Variants in SEC22A observed in about 807,000 individuals in gnomAD.
SEC22A encodes the protein SEC22 homolog A, vesicle trafficking protein.
SEC22A carries 22 observed loss-of-function variants against 35.3 expected under a neutral mutation model. That is an observed-to-expected ratio of 0.62 (90% CI 0.45 to 0.89). SEC22A has a LOEUF of 0.89. SEC22A is among the 40% of genes least tolerant of loss of function. SEC22A has a pLI of 0.00. For missense variants in SEC22A, 354 were observed against 362.5 expected (o/e 0.98, Z 0.19); for synonymous variants, 119 against 129.5 (o/e 0.92, Z 0.55).
At chr3:123,245,378 G>A (rs1937557857) in intron 4 of SEC22A, among the ~76,000 whole-genome samples, 1 of 152,140 alleles carries the variant, frequency 6.6e-6, no homozygotes, top group Non-Finnish European at 1.5e-5. Context: ...TATCCCAAAT[G>A]CAAGTTACAT....
chr3:123,210,339 A>G (rs1242779587), intron 2 of SEC22A, among the ~76,000 whole-genome samples: 1 of 152,228 alleles, frequency 6.6e-6, no homozygotes, highest in Non-Finnish European at 1.5e-5. Flanking sequence ...ATACCAGCAA[A>G]TCTTCCTACT....
At chr3:123,269,621 A>G (rs1306498324) in intron 6 of SEC22A, among the ~76,000 whole-genome samples, 3 of 144,978 alleles carry the variant, frequency 2.1e-5, no homozygotes, top group Admixed American at 1.4e-4. Context: ...TGTCAAGGAC[A>G]TGAATTTTTT....
At chr3:123,269,175 A>ATGTGTGTG (rs1491362924) in intron 6 of SEC22A, among the ~76,000 whole-genome samples, 2 of 79,420 alleles carry the variant, frequency 2.5e-5, no homozygotes, top group African/African-American at 1.2e-4. Flanking sequence ...CTTGAATTAA[A>ATGTGTGTG]TATATGTGTG....
chr3:123,238,136 A>G (rs1402153397), intron 4 of SEC22A, among the ~76,000 whole-genome samples: 1 of 151,254 alleles, frequency 6.6e-6, no homozygotes, highest in Non-Finnish European at 1.5e-5. Flanking sequence ...CCTGGGTGAC[A>G]GAGTGAGACC....
At chr3:123,265,935 C>T (rs917508167) in intron 6 of SEC22A, among the ~76,000 whole-genome samples, 23 of 152,118 alleles carry the variant, frequency 1.5e-4, no homozygotes, top group African/African-American at 5.3e-4. Context: ...CACATAGTCT[C>T]GATTACTGTA....
chr3:123,217,754 T>G (rs181336885), intron 2 of SEC22A, among the ~76,000 whole-genome samples: 82 of 152,334 alleles, frequency 5.4e-4, no homozygotes, highest in Non-Finnish European at 1.1e-3. Context: ...CTATGTACCT[T>G]GTCATTTAGC....
At chr3:123,202,396 A>G (rs1474020937) in intron 1 of SEC22A, among the ~76,000 whole-genome samples, 1 of 152,186 alleles carries the variant, frequency 6.6e-6, no homozygotes, top group African/African-American at 2.4e-5. Flanking sequence ...TAGGTGGCCC[A>G]TGAGAGCTTG....
At chr3:123,230,750 A>G (rs1937312298) in intron 4 of SEC22A, among the ~76,000 whole-genome samples, 1 of 151,004 alleles carries the variant, frequency 6.6e-6, no homozygotes, top group African/African-American at 2.4e-5. Context: ...CAAAAAAGGC[A>G]TGAGATGGAT....
At chr3:123,263,113 A>G (rs1937929552) in intron 6 of SEC22A, among the ~76,000 whole-genome samples, 1 of 152,194 alleles carries the variant, frequency 6.6e-6, no homozygotes, top group Non-Finnish European at 1.5e-5. Flanking sequence ...CGCATTCTCC[A>G]TTTCTATAAT....
chr3:123,218,145 A>C (rs1463295498), intron 2 of SEC22A, among the ~76,000 whole-genome samples: 1 of 152,226 alleles, frequency 6.6e-6, no homozygotes, highest in East Asian at 1.9e-4. Context: ...TTAGCTTTTT[A>C]GCAAAGTGAT....
intron 5 of SEC22A, among the ~76,000 whole-genome samples, chr3:123,258,944 T>C (rs1428547840): frequency 2.6e-5 from 4 of 152,162 alleles, no homozygotes; most frequent in Non-Finnish European, 5.9e-5. Flanking sequence ...GCATGAGGTA[T>C]CTCTGTTTTT....
At chr3:123,209,486 AT>A in intron 2 of SEC22A, 87 bp downstream of exon 2, 1 of 1,082,516 alleles carries the variant, frequency 9.2e-7, no homozygotes, top group Non-Finnish European at 1.3e-6. Flanking sequence ...GAAAGGAGTG[AT>A]TAGGAAAACC....
At chr3:123,214,492 G>A (rs899357659) in intron 2 of SEC22A, among the ~76,000 whole-genome samples, 6 of 152,116 alleles carry the variant, frequency 3.9e-5, no homozygotes, top group African/African-American at 7.2e-5. Flanking sequence ...GTTCAGTTTT[G>A]TGATTTCTTC....
chr3:123,257,999 A>AAAAAAAAAAAAAAG, intron 5 of SEC22A, among the ~76,000 whole-genome samples: 1 of 151,766 alleles, frequency 6.6e-6, no homozygotes, highest in African/African-American at 2.4e-5. Context: ...CTCATTGAAA[A>AAAAAAAAAAAAAAG]AAAAAAAAAG....
At position 123,225,201 on chromosome 3, in the gene SEC22A, C is replaced by T; in HGVS notation, c.445C>T (p.Pro149Ser). Reference protein sequence around the residue: ...SDMQTEIKLRPPYQISMCELG... With the variant: ...SDMQTEIKLRSPYQISMCELG... ...CATGCAGACGGAAATCAAGCTGAGGCCTCCTTATCAAATTTCCATGTGCGA... is the reference window on the plus strand; with the variant it reads ...CATGCAGACGGAAATCAAGCTGAGGTCTCCTTATCAAATTTCCATGTGCGA... Residue 149 changes from proline (P) to serine (S), a missense_variant, in exon 4 of 7, where the codon CCT (proline) becomes TCT (serine). Coordinates refer to ENST00000492595, the MANE Select transcript of SEC22A (RefSeq NM_012430.5). The T allele has an allele frequency of 4.3e-6, 7 of 1,612,900 alleles. No individual in the cohort carries two copies. Among genetic ancestry groups the T allele is most frequent in the Non-Finnish European group, 5.9e-6 (7 of 1,178,938 alleles).
At chr3:123,240,520 ATTTG>A (rs1937510751) in intron 4 of SEC22A, among the ~76,000 whole-genome samples, 1 of 152,176 alleles carries the variant, frequency 6.6e-6, no homozygotes, top group African/African-American at 2.4e-5. Context: ...ATGTACCACA[ATTTG>A]TTTATTTATT....
chr3:123,271,776 T>C lies in SEC22A; in HGVS notation c.*54T>C, dbSNP rs1173520005. The C allele has an allele frequency of 2.9e-6, 4 of 1,402,756 alleles. No individual in the cohort carries two copies. The African/African-American group carries it at 4.2e-5, about 15-fold the overall frequency. 86.9% of individuals were successfully genotyped at this position (1,402,756 alleles called of 1,614,324 possible). On this transcript the variant is annotated 3_prime_UTR_variant, in exon 7 of 7. Transcript: ENST00000492595. ...TTCAGGGGGATAAGGAGGGAACATA[T>C]CATAACTGCACTGTGATGAAGAAGC...
intron 6 of SEC22A, among the ~76,000 whole-genome samples, chr3:123,260,839 C>CTTTTTTTT (rs11293756): frequency 7.4e-6 from 1 of 134,662 alleles, no homozygotes; most frequent in Admixed American, 7.4e-5. Context: ...TTTTCTTTTT[C>CTTTTTTTT]TTTTTTTTTT....
At position 123,233,655 on chromosome 3, in the gene SEC22A, A is replaced by AAAC. The variant is rs375295169; in HGVS notation, c.541+8360_541+8361insCAA. On this transcript the variant is annotated intron_variant, in intron 4 of 6. Coordinates refer to ENST00000492595, the MANE Select transcript of SEC22A (RefSeq NM_012430.5). ...TTTCATGGCAAAAAAACAAACAAAC[A>AAAC]AAAAAAAACACTCAACAAACTAGGA... Among the ~76,000 whole-genome samples the AAAC allele has an allele frequency of 9.5e-3, 794 of 83,696 alleles. 5 individuals carry two copies. The highest frequency in any genetic ancestry group is 0.037 in the African/African-American group (634 of 17,206). 54.9% of individuals were successfully genotyped at this position (83,696 alleles called of 152,430 possible).
Sources: gnomAD v4.1 joint callset for allele counts (sites outside exome capture counted in the v4.1 genomes callset) on GRCh38, gnomAD v4.1.1 for gene constraint, MANE v1.5 for transcripts, NCBI Gene and HGNC (gene_info 2026-07-23, HGNC 2026-07-21) for gene names.